The following NRG1 variants were observed in gnomAD, a reference collection of about 807,000 sequenced individuals.
The protein encoded by NRG1 is neuregulin 1.
In NRG1, 18 loss-of-function variants were observed where a neutral mutation model predicts 63.8. The observed-to-expected ratio is 0.28, with a 90% CI of 0.19 to 0.42. The LOEUF (loss-of-function observed/expected upper bound fraction) is 0.42. Among genes scored for constraint, NRG1 ranks in the 10% least tolerant of loss-of-function variants. The probability of loss-of-function intolerance (pLI) is 1.00; values close to 1 mark genes in which losing one functional copy is unlikely to be tolerated. For synonymous variants in NRG1, 302 were observed against 301.3 expected, an observed-to-expected ratio of 1.00 and a Z score of -0.02; for missense variants, 762 against 814.7, an observed-to-expected ratio of 0.94 and a Z score of 0.79.
intron 1 of NRG1, among the ~76,000 whole-genome samples, chr8:31,789,917 G>T (rs952639191): frequency 1.3e-5 from 2 of 152,160 alleles, no homozygotes; most frequent in African/African-American, 4.8e-5. Context: ...TACAGAAACA[G>T]ATTAATATCA....
chr8:32,058,981 T>C (rs1359681226), intron 1 of NRG1, among the ~76,000 whole-genome samples: 3 of 152,022 alleles, frequency 2.0e-5, no homozygotes, highest in Admixed American at 6.6e-5. Flanking sequence ...AGGTTAACTT[T>C]AAAAGTAGAA....
At position 31,814,634 on chromosome 8, in the gene NRG1, ATAAATATTAAATAATTTAAAAT is replaced by A. The variant is rs1249908468; in HGVS notation, c.37+175242_37+175263del. On this transcript the variant is annotated intron_variant, in intron 1 of 10. Transcript: ENST00000519301. ...CTGTCCGTGTTTCCCCTAATAATTA[ATAAATATTAAATAATTTAAAAT>A]TAAATATTAAATAATTTAAAATTAA... Among the ~76,000 whole-genome samples, 753 of 150,250 alleles carry A rather than the reference ATAAATATTAAATAATTTAAAAT, an allele frequency of 5.0e-3. 2 individuals are homozygous for A. Among genetic ancestry groups the A allele is most frequent in the Middle Eastern group, 0.021 (6 of 284 alleles).
At chr8:32,634,005 GT>G (rs1850820584) in intron 5 of NRG1, among the ~76,000 whole-genome samples, 1 of 149,892 alleles carries the variant, frequency 6.7e-6, no homozygotes, top group African/African-American at 2.5e-5. Context: ...TTAGCCAGGT[GT>G]TGTGACATGT....
chr8:31,781,997 T>A (rs80059492), intron 1 of NRG1, among the ~76,000 whole-genome samples: 2,313 of 152,214 alleles, frequency 0.015, 65 homozygotes, highest in African/African-American at 0.053. Flanking sequence ...TTGGTCTCTC[T>A]CCCAAGGCTT....
chr8:32,279,074 A>T (rs1304529850), intron 1 of NRG1, among the ~76,000 whole-genome samples: 6 of 152,194 alleles, frequency 3.9e-5, no homozygotes, highest in African/African-American at 1.2e-4. Context: ...TCTGAATCAG[A>T]TTCTCCCTAT....
In NRG1 at chr8:32,742,639, G is replaced by A; in HGVS notation, c.633-36G>A. On this transcript the variant is annotated intron_variant, in intron 6 of 11. Coordinates refer to ENST00000356819, the Ensembl canonical transcript of NRG1. The surrounding 1 kb of genome is among the most constrained non-coding windows in gnomAD (Gnocchi z 4.2). Reference sequence around the variant, plus strand: ...ATATTCACCTCTTCTCTTTTTCTCTGTTTTTCTACCATTGTTTTTTTGTTT... The same window carrying A: ...ATATTCACCTCTTCTCTTTTTCTCTATTTTTCTACCATTGTTTTTTTGTTT... The A allele has an allele frequency of 3.1e-6, 5 of 1,592,856 alleles. No homozygotes were observed. The South Asian group carries it at 3.3e-5, about 11-fold the overall frequency.
intron 1 of NRG1, among the ~76,000 whole-genome samples, chr8:32,277,639 T>C (rs1170004456): frequency 6.6e-6 from 1 of 152,202 alleles, no homozygotes; most frequent in African/African-American, 2.4e-5. Context: ...AGGGGTGATT[T>C]TGCCCCCCAT....
exon 12 of NRG1, chr8:32,764,515 G>A: frequency 2.0e-6 from 2 of 1,000,640 alleles, no homozygotes; most frequent in Non-Finnish European, 2.7e-6. Context: ...TAGAAAACAG[G>A]AAAAAAACTT....
intron 7 of NRG1, 144 bp from the exon 8 acceptor site, chr8:32,754,228 T>TATG: frequency 1.4e-6 from 1 of 700,996 alleles, no homozygotes; most frequent in Non-Finnish European, 2.5e-6. Flanking sequence ...GTACCTTAGC[T>TATG]ATGTGTGTAA....
intron 1 of NRG1, among the ~76,000 whole-genome samples, chr8:32,137,879 T>G (rs988428587): frequency 6.6e-6 from 1 of 152,194 alleles, no homozygotes; most frequent in Non-Finnish European, 1.5e-5. Context: ...AAGTGTATAT[T>G]GTATATGTAG....
intron 1 of NRG1, among the ~76,000 whole-genome samples, chr8:32,525,892 G>A (rs554584588): frequency 3.9e-5 from 6 of 152,214 alleles, no homozygotes; most frequent in Non-Finnish European, 8.8e-5. Context: ...TTCATCAGCT[G>A]CCCATCTGAT....
intron 5 of NRG1, among the ~76,000 whole-genome samples, chr8:32,653,848 T>C (rs190553667): frequency 6.6e-6 from 1 of 152,294 alleles, no homozygotes; most frequent in East Asian, 1.9e-4. Flanking sequence ...AGACATGAGT[T>C]CATATACTAT....
At chr8:31,983,673 T>G (rs973699415) in intron 1 of NRG1, among the ~76,000 whole-genome samples, 2 of 152,074 alleles carry the variant, frequency 1.3e-5, no homozygotes, top group African/African-American at 4.8e-5. Flanking sequence ...AACACCTAAT[T>G]CTTCTCCAAA....
At chr8:31,780,782 G>A (rs1819608904) in intron 1 of NRG1, among the ~76,000 whole-genome samples, 2 of 152,210 alleles carry the variant, frequency 1.3e-5, no homozygotes. Context: ...GTGCAAGGGA[G>A]TGAGCTACCT....
At chr8:31,888,090 A>T (rs1198453160) in intron 1 of NRG1, among the ~76,000 whole-genome samples, 5 of 151,806 alleles carry the variant, frequency 3.3e-5, no homozygotes, top group African/African-American at 1.2e-4. Context: ...AATATTATAC[A>T]TGTGTTGATA....
intron 1 of NRG1, among the ~76,000 whole-genome samples, chr8:32,522,697 T>A (rs903158482): frequency 3.3e-5 from 5 of 152,240 alleles, no homozygotes; most frequent in Non-Finnish European, 5.9e-5. Flanking sequence ...TTCTTTCCTT[T>A]AGGCTTAAAA....
At chr8:32,230,618 C>G (rs1846822001) in intron 1 of NRG1, among the ~76,000 whole-genome samples, 1 of 151,888 alleles carries the variant, frequency 6.6e-6, no homozygotes, top group South Asian at 2.1e-4. Context: ...TCATAACAGT[C>G]CAAATGAGAG....
chr8:32,080,470 C>T (rs185437795), intron 1 of NRG1, among the ~76,000 whole-genome samples: 83 of 152,160 alleles, frequency 5.5e-4, no homozygotes, highest in Admixed American at 5.1e-3. Flanking sequence ...CAGTGACAGT[C>T]GTGGGAGAAA....
chr8:31,836,994 T>G (rs1825743183), intron 1 of NRG1, among the ~76,000 whole-genome samples: 2 of 152,202 alleles, frequency 1.3e-5, no homozygotes, highest in Non-Finnish European at 2.9e-5. Flanking sequence ...TCAGTGTAGT[T>G]TAAATGTACA....
Sources: gnomAD v4.1 joint callset for allele counts (sites outside exome capture counted in the v4.1 genomes callset) on GRCh38, gnomAD v4.1.1 for gene constraint, Gnocchi (gnomAD v3.1) non-coding constraint, MANE v1.5 for transcripts, NCBI Gene and HGNC (gene_info 2026-07-23, HGNC 2026-07-21) for gene names.